The following FSTL5 variants were observed in gnomAD, a reference collection of about 807,000 sequenced individuals.
FSTL5 encodes follistatin-related protein 5.
Under a neutral mutation model 89.1 loss-of-function variants are expected in FSTL5, and 62 were observed. That is an observed-to-expected ratio of 0.70 (90% CI 0.57 to 0.86). The LOEUF (loss-of-function observed/expected upper bound fraction) is 0.86, where lower values mean the gene tolerates loss of function less well. Ranked by LOEUF, FSTL5 falls within the 40% of genes least tolerant of loss-of-function variation. The probability of loss-of-function intolerance (pLI) is 0.00; values close to 1 mark genes in which losing one functional copy is unlikely to be tolerated. For synonymous variants in FSTL5, 383 were observed against 346.2 expected (o/e 1.11, Z -1.18); for missense variants, 1,057 against 1,001.6 (o/e 1.06, Z -0.75).
At chr4:161,762,672 G>A (rs1740848594) in intron 5 of FSTL5, among the ~76,000 whole-genome samples, 2 of 152,152 alleles carry the variant, frequency 1.3e-5, no homozygotes, top group South Asian at 2.1e-4. Flanking sequence ...TTATGATCTT[G>A]ATTGGTCAAA....
chr4:162,107,375 A>T (rs1356255534), intron 2 of FSTL5, among the ~76,000 whole-genome samples: 1 of 152,206 alleles, frequency 6.6e-6, no homozygotes, highest in Non-Finnish European at 1.5e-5. Context: ...AGTACCCGCT[A>T]TACAATCAAT....
chr4:161,759,531 C>T lies in FSTL5; in HGVS notation c.607G>A (p.Val203Met), dbSNP rs768867898. 4 of 1,527,226 alleles carry T rather than the reference C, an allele frequency of 2.6e-6. No individual in the cohort carries two copies. The highest frequency in any genetic ancestry group is 1.8e-4 in the Middle Eastern group (1 of 5,474). The allele number at this position is 1,527,226 out of a possible 1,614,324, so 94.6% of individuals were successfully genotyped here. A position where few individuals can be genotyped will look rare whatever the true frequency, so the allele number is the denominator to read the frequency against. The change falls in exon 6 of 16, where the codon GTG becomes ATG. Residue 203 changes from valine (V) to methionine (M), a missense_variant and splice_region_variant. By Grantham distance (21) the Val-to-Met change is conservative. Around this residue, in one of 3 missense-constraint regions of FSTL5, gnomAD observed 980 missense variants for 903.2 expected, o/e 1.08. Transcript: ENST00000306100. The stretch of plus-strand genomic sequence containing the variant: ...TTGCCAAGTTCTTCCTGTTTTATCA[C>T]CTAACAAGAAAATTATAAACCATAC... ...GLVDINELTQ[V>M]IKQEELGKDL...
chr4:161,711,593 C>T lies in FSTL5; in HGVS notation c.727+47818G>A, dbSNP rs938155373. On this transcript the variant is annotated intron_variant, in intron 6 of 15. Transcript: ENST00000306100. Reference sequence around the variant, plus strand: ...TACCAAACATTTTTAAGAATTAACACCAATTCTTTAGAAGCTATTTTTAAC... The same window carrying T: ...TACCAAACATTTTTAAGAATTAACATCAATTCTTTAGAAGCTATTTTTAAC... Among the ~76,000 whole-genome samples the T allele has an allele frequency of 2.0e-5, 3 of 152,076 alleles. No individual in the cohort carries two copies. The East Asian group carries it at 5.8e-4, about 29-fold the overall frequency.
intron 15 of FSTL5, among the ~76,000 whole-genome samples, chr4:161,397,989 A>G (rs1489199682): frequency 6.6e-6 from 1 of 152,044 alleles, no homozygotes; most frequent in Non-Finnish European, 1.5e-5. Context: ...AGCAACAACA[A>G]TAAAGTGTGT....
In FSTL5 at chr4:161,583,133, G is replaced by A. The variant is rs764312455; in HGVS notation, c.1015+4322C>T. ...AGAGAATTGCTTGAACCCAGGGGGC[G>A]GAGGTTGCAGGGAGCCAAGATGGCG... On this transcript the variant is annotated intron_variant, in intron 8 of 15. Coordinates refer to ENST00000306100, the MANE Select transcript of FSTL5 (RefSeq NM_020116.5). Among the ~76,000 whole-genome samples, 11 of 152,236 alleles carry A rather than the reference G, an allele frequency of 7.2e-5. No individual in the cohort carries two copies. The South Asian group carries it at 1.9e-3, about 26-fold the overall frequency.
At chr4:161,503,486 A>C (rs1273554256) in intron 11 of FSTL5, among the ~76,000 whole-genome samples, 1 of 151,954 alleles carries the variant, frequency 6.6e-6, no homozygotes, top group Non-Finnish European at 1.5e-5. Context: ...GCATATATGC[A>C]TGTGTGATAC....
intron 7 of FSTL5, among the ~76,000 whole-genome samples, chr4:161,591,486 G>A (rs1270988122): frequency 6.6e-6 from 1 of 151,850 alleles, no homozygotes; most frequent in Non-Finnish European, 1.5e-5. Context: ...GAGTAAAGCT[G>A]TTGTTAAAAT....
chr4:161,535,621 C>T (rs1001017939), intron 10 of FSTL5, among the ~76,000 whole-genome samples: 2 of 151,996 alleles, frequency 1.3e-5, no homozygotes, highest in South Asian at 2.1e-4. Context: ...AAGCGAATGC[C>T]TATATCCTGT....
At chr4:161,409,470 C>T (rs374424697) in intron 15 of FSTL5, among the ~76,000 whole-genome samples, 28 of 152,126 alleles carry the variant, frequency 1.8e-4, no homozygotes, top group African/African-American at 6.5e-4. Flanking sequence ...CAACCTCTGC[C>T]TCCCAGGTTC....
At chr4:161,826,913 C>G (rs1238222402) in intron 4 of FSTL5, among the ~76,000 whole-genome samples, 1 of 152,118 alleles carries the variant, frequency 6.6e-6, no homozygotes, top group Non-Finnish European at 1.5e-5. Context: ...AGGTACTATT[C>G]TATTCATCAT....
At chr4:161,617,781 C>G (rs1390625302) in intron 7 of FSTL5, among the ~76,000 whole-genome samples, 1 of 152,106 alleles carries the variant, frequency 6.6e-6, no homozygotes, top group East Asian at 1.9e-4. Flanking sequence ...AATTATATGT[C>G]CAGTGAAAAT....
intron 7 of FSTL5, among the ~76,000 whole-genome samples, chr4:161,599,150 C>A (rs758834159): frequency 2.6e-5 from 4 of 151,948 alleles, no homozygotes; most frequent in African/African-American, 9.7e-5. Flanking sequence ...TTTGAAAAGT[C>A]ATGTACTGAA....
At chr4:162,100,616 C>T (rs1055055699) in intron 2 of FSTL5, among the ~76,000 whole-genome samples, 8 of 152,110 alleles carry the variant, frequency 5.3e-5, no homozygotes, top group Middle Eastern at 6.8e-3. Flanking sequence ...TCATCAAAAC[C>T]CCTAGAATAT....
chr4:161,697,900 A>G (rs1738229057), intron 6 of FSTL5, among the ~76,000 whole-genome samples: 1 of 152,038 alleles, frequency 6.6e-6, no homozygotes, highest in Non-Finnish European at 1.5e-5. Flanking sequence ...ATTTATCAAG[A>G]ATGAGGACAC....
chr4:161,534,690 A>C (rs1560941912), intron 10 of FSTL5, among the ~76,000 whole-genome samples: 3 of 152,142 alleles, frequency 2.0e-5, no homozygotes, highest in Non-Finnish European at 4.4e-5. Flanking sequence ...CTACCAAAAT[A>C]CCAATGTTGT....
At chr4:162,084,337 G>T (rs1321619238) in intron 2 of FSTL5, among the ~76,000 whole-genome samples, 1 of 151,698 alleles carries the variant, frequency 6.6e-6, no homozygotes, top group African/African-American at 2.4e-5. Flanking sequence ...GATTTTAAAA[G>T]GTTGAAAAAA....
chr4:161,652,790 T>C (rs1298701409), intron 7 of FSTL5, among the ~76,000 whole-genome samples: 1 of 152,176 alleles, frequency 6.6e-6, no homozygotes, highest in East Asian at 1.9e-4. Flanking sequence ...TGACTATACA[T>C]TTAATCCTAC....
chr4:161,758,408 C>G (rs994031354), intron 6 of FSTL5, among the ~76,000 whole-genome samples: 1 of 152,076 alleles, frequency 6.6e-6, no homozygotes, highest in South Asian at 2.1e-4. Flanking sequence ...TGGTGATTTT[C>G]TAATACCAAC....
intron 7 of FSTL5, among the ~76,000 whole-genome samples, chr4:161,639,636 G>A (rs988097440): frequency 6.6e-6 from 1 of 152,140 alleles, no homozygotes; most frequent in Admixed American, 6.6e-5. Flanking sequence ...AAATTCTAGA[G>A]TCTGTAGAAG....
Sources: gnomAD v4.1 joint callset for allele counts (sites outside exome capture counted in the v4.1 genomes callset) on GRCh38, gnomAD v4.1.1 for gene constraint, gnomAD v4.1.1 regional missense constraint, MANE v1.5 for transcripts, NCBI Gene and HGNC (gene_info 2026-07-23, HGNC 2026-07-21) for gene names.